Variants in MRTFB observed in about 807,000 individuals in gnomAD.
MRTFB encodes myocardin related transcription factor B, also known as myocardin-related transcription factor B.
Under a neutral mutation model 104.2 loss-of-function variants are expected in MRTFB, and 29 were observed. That is an observed-to-expected ratio of 0.28 (90% CI 0.21 to 0.38). The LOEUF is 0.38. Among genes scored for constraint, MRTFB ranks in the 10% least tolerant of loss-of-function variants. The probability of loss-of-function intolerance (pLI) is 1.00; values close to 1 mark genes in which losing one functional copy is unlikely to be tolerated. For synonymous variants in MRTFB, 535 were observed against 519.5 expected, an observed-to-expected ratio of 1.03 and a Z score of -0.41; for missense variants, 1,270 against 1,341.6, an observed-to-expected ratio of 0.95 and a Z score of 0.83.
At chr16:14,034,698 A>G in the MRTFB span, among the ~76,000 whole-genome samples, 7 of 151,902 alleles carry the variant, frequency 4.6e-5, no homozygotes, top group African/African-American at 9.7e-5. Flanking sequence ...TCTGTGTCCA[A>G]ATTTCCTCCA....
At chr16:14,250,668 C>T (rs990235567) in intron 13 of MRTFB, among the ~76,000 whole-genome samples, 3 of 152,182 alleles carry the variant, frequency 2.0e-5, no homozygotes, top group African/African-American at 7.2e-5. Context: ...GGGTTTTACC[C>T]AAATCAGGAG....
intron 3 of MRTFB, chr16:14,151,729 A>G (rs998950393): frequency 1.3e-5 from 2 of 152,298 alleles, no homozygotes; most frequent in South Asian, 4.1e-4. Flanking sequence ...CATGAAGTTC[A>G]TCTCTTGTTG....
rs1423621014 is a variant in MRTFB at position 14,265,607 on chromosome 16, A to G, written c.*4163A>G. ...GTAAAGTGACTCTGTCTGCATGGCA[A>G]TGAGCAGGTGCGTGTTTTTTCCACA... On this transcript the variant is annotated 3_prime_UTR_variant, in exon 17 of 17. Transcript: ENST00000571589. The G allele has an allele frequency of 6.6e-6, 1 of 152,218 alleles. No individual in the cohort carries two copies. Among genetic ancestry groups the G allele is most frequent in the Non-Finnish European group, 1.5e-5 (1 of 68,032 alleles). The allele number at this position is 152,218 out of a possible 1,614,324, so 9.4% of individuals were successfully genotyped here.
At chr16:14,237,318 G>C (rs1418909506) in intron 9 of MRTFB, among the ~76,000 whole-genome samples, 1 of 152,214 alleles carries the variant, frequency 6.6e-6, no homozygotes, top group Non-Finnish European at 1.5e-5. Context: ...AAAACAGCTA[G>C]CAAGAGTGAG....
chr16:14,125,676 T>A (rs2037073000), intron 2 of MRTFB, among the ~76,000 whole-genome samples: 1 of 152,176 alleles, frequency 6.6e-6, no homozygotes, highest in Non-Finnish European at 1.5e-5. Flanking sequence ...TTTCATGAAA[T>A]TGTTGGTAGT....
intron 16 of MRTFB, among the ~76,000 whole-genome samples, chr16:14,260,305 T>C (rs557212589): frequency 6.6e-6 from 1 of 151,798 alleles, no homozygotes; most frequent in East Asian, 1.9e-4. Context: ...TTCAGAACTT[T>C]ACACAGAATG....
chr16:14,251,900 A>T lies in MRTFB; in HGVS notation c.2442A>T (p.Pro814=). ...CAGCATCATCAAATACAGTTCTTCC[A>T]TATCAGAGACATCCTGCCCCAGCTG... The part of the protein sequence containing the change: ...TNSASSNTVL[P]YQRHPAPAVQ... The change falls in exon 14 of 17, where the codon CCA becomes CCT. Residue 814 remains proline, a synonymous_variant. Coordinates refer to ENST00000571589, the MANE Select transcript of MRTFB (RefSeq NM_001308142.2). 1 of 1,614,244 alleles carries T rather than the reference A, an allele frequency of 6.2e-7. No homozygotes were observed. Among genetic ancestry groups the T allele is most frequent in the Non-Finnish European group, 8.5e-7 (1 of 1,180,034 alleles).
rs1233209000 is a variant in MRTFB, at chr16:14,266,374, TTTCA to T, written c.*4933_*4936del. The T allele has an allele frequency of 6.6e-6, 1 of 152,206 alleles. No individual in the cohort carries two copies. The highest frequency in any genetic ancestry group is 1.5e-5 in the Non-Finnish European group (1 of 68,032). 9.4% of individuals were successfully genotyped at this position (152,206 alleles called of 1,614,324 possible). On this transcript the variant is annotated 3_prime_UTR_variant, in exon 17 of 17. Coordinates refer to ENST00000571589, the MANE Select transcript of MRTFB (RefSeq NM_001308142.2). ...ATGTGATAGGTGTTTCTCTTCTTAT[TTTCA>T]TTGTCACATTATGTCTTAGCATCTC...
intron 11 of MRTFB, 95 bp from the exon 12 acceptor site, chr16:14,246,378 C>CT (rs1383219268): frequency 1.6e-6 from 2 of 1,247,056 alleles, no homozygotes; most frequent in African/African-American, 3.0e-5. Flanking sequence ...GCAGAGTTGT[C>CT]TGACAGACAT....
intron 3 of MRTFB, among the ~76,000 whole-genome samples, chr16:14,191,090 A>G (rs2040160769): frequency 6.6e-6 from 1 of 152,266 alleles, no homozygotes; most frequent in African/African-American, 2.4e-5. Flanking sequence ...CCAAAGCACC[A>G]GAGCTTTTTT....
the MRTFB span, among the ~76,000 whole-genome samples, chr16:14,047,908 C>T: frequency 5.3e-5 from 8 of 152,274 alleles, no homozygotes; most frequent in Admixed American, 3.9e-4. Context: ...CCTTCCCAAC[C>T]GTCCCCCAAA....
the MRTFB span, among the ~76,000 whole-genome samples, chr16:14,013,856 A>AC: frequency 6.6e-6 from 1 of 152,044 alleles, no homozygotes; most frequent in Non-Finnish European, 1.5e-5. Context: ...TCTATTGGAA[A>AC]CGCAGGTCTC....
chr16:14,012,268 A>T, the MRTFB span, among the ~76,000 whole-genome samples: 1 of 146,294 alleles, frequency 6.8e-6, no homozygotes, highest in Non-Finnish European at 1.5e-5. Context: ...TCGGGCAGGC[A>T]ACAACCTTGA....
chr16:14,026,461 T>C, the MRTFB span, among the ~76,000 whole-genome samples: 2 of 152,200 alleles, frequency 1.3e-5, no homozygotes, highest in South Asian at 2.1e-4. Context: ...AGAAGATATA[T>C]GGGGAAATCT....
chr16:14,153,133 C>T (rs942065534), intron 3 of MRTFB: 4 of 152,116 alleles, frequency 2.6e-5, no homozygotes, highest in Non-Finnish European at 4.4e-5. Context: ...TAATAAATTG[C>T]TTAATTGGTC....
chr16:14,103,711 T>G (rs980298827), intron 2 of MRTFB, among the ~76,000 whole-genome samples: 1 of 152,126 alleles, frequency 6.6e-6, no homozygotes, highest in Admixed American at 6.5e-5. Flanking sequence ...TTGGCATAAA[T>G]TAGCCCAGTT....
intron 3 of MRTFB, among the ~76,000 whole-genome samples, chr16:14,180,981 A>G (rs1478910863): frequency 6.6e-6 from 1 of 152,194 alleles, no homozygotes; most frequent in Non-Finnish European, 1.5e-5. Flanking sequence ...GAAAGGTCAG[A>G]AAAATGTATC....
At chr16:14,116,795 T>A (rs1323058273) in intron 2 of MRTFB, among the ~76,000 whole-genome samples, 1 of 152,092 alleles carries the variant, frequency 6.6e-6, no homozygotes, top group Non-Finnish European at 1.5e-5. Context: ...CCAGACATTG[T>A]CAAACATCCT....
At chr16:14,030,600 A>G in the MRTFB span, among the ~76,000 whole-genome samples, 1 of 152,166 alleles carries the variant, frequency 6.6e-6, no homozygotes, top group Non-Finnish European at 1.5e-5. Context: ...GCCAAAAACC[A>G]TTTCGATGCT....
Sources: allele counts gnomAD v4.1 joint callset (sites outside exome capture counted in the v4.1 genomes callset), GRCh38; gene constraint gnomAD v4.1.1; transcripts MANE v1.5; gene names NCBI Gene and HGNC (gene_info 2026-07-23, HGNC 2026-07-21).